The following LRRC40 variants were observed in gnomAD, a reference collection of about 807,000 sequenced individuals.
LRRC40 encodes the protein leucine rich repeat containing 40, also known as leucine-rich repeat-containing protein 40.
A neutral mutation model predicts 72.8 loss-of-function variants in LRRC40; 76 were observed. The observed-to-expected ratio is 1.04, with a 90% CI of 0.87 to 1.26. The LOEUF is 1.26. Ranked by LOEUF, LRRC40 falls within the 50% of genes most tolerant of loss-of-function variation. The pLI is 0.00. For missense variants in LRRC40, 684 were observed against 698.9 expected, an observed-to-expected ratio of 0.98 and a Z score of 0.24; for synonymous variants, 243 against 254.2, an observed-to-expected ratio of 0.96 and a Z score of 0.42.
chr1:70,165,911 C>T (rs751940117), intron 9 of LRRC40, among the ~76,000 whole-genome samples: 1 of 152,134 alleles, frequency 6.6e-6, no homozygotes, highest in Non-Finnish European at 1.5e-5. Flanking sequence ...TTTCACTGAG[C>T]ATCTTTTCAC....
Position 70,186,216 on chromosome 1 carries a change from C to G in LRRC40, c.407+1049G>C, listed in dbSNP as rs548981047. On this transcript the variant is annotated intron_variant, in intron 3 of 14. Transcript: ENST00000370952. ...TAATTACTCCATCCTAAGATTCATA[C>G]TTTTTTTAAACTTCTTCACTGAGAA... is the stretch of plus-strand genomic sequence containing the variant. 4.1e-4 allele frequency among the ~76,000 whole-genome samples: 62 copies of G among 152,210 alleles called. 1 individual carries two copies. Among genetic ancestry groups the G allele is most frequent in the South Asian group, 8.3e-4 (4 of 4,830 alleles).
chr1:70,189,298 GAAAAAAAA>G (rs745450367), intron 1 of LRRC40, 25 bp from the exon 2 acceptor site: 106 of 763,732 alleles, frequency 1.4e-4, no homozygotes, highest in Middle Eastern at 2.7e-4. Flanking sequence ...ACCACACCAG[GAAAAAAAA>G]AAAAAAAAAA....
chr1:70,183,499 A>G (rs1001338703), intron 4 of LRRC40, among the ~76,000 whole-genome samples: 4 of 151,184 alleles, frequency 2.6e-5, no homozygotes, highest in African/African-American at 9.7e-5. Flanking sequence ...ACTTTTGACA[A>G]ATTTTCTTTT....
chr1:70,158,410 T>C (rs1571444056), intron 10 of LRRC40, among the ~76,000 whole-genome samples: 1 of 152,168 alleles, frequency 6.6e-6, no homozygotes, highest in South Asian at 2.1e-4. Context: ...CTTCAGTCTA[T>C]ATTCTTTTGT....
At position 70,155,762 on chromosome 1, in the gene LRRC40, A is replaced by G. The variant is rs1667624895; in HGVS notation, c.1255T>C (p.Phe419Leu). The G allele has an allele frequency of 2.5e-6, 4 of 1,578,484 alleles. No homozygotes were observed. The highest frequency in any genetic ancestry group is 3.5e-6 in the Non-Finnish European group (4 of 1,156,902). ...KQATLIPDEV[F>L]DAVKSNIVTS... ...ACGATGTTGCTTTTTACTGCATCAAACACCTCATCAGGAATCAAAGTTGCT... is the reference window on the plus strand; with the variant it reads ...ACGATGTTGCTTTTTACTGCATCAAGCACCTCATCAGGAATCAAAGTTGCT... Residue 419 changes from phenylalanine (F) to leucine (L), a missense_variant, in exon 11 of 15, where the codon TTT becomes CTT. Phe to Leu is a conservative substitution (Grantham distance 22). Coordinates refer to ENST00000370952, the MANE Select transcript of LRRC40 (RefSeq NM_017768.5).
rs555122817 is a variant in LRRC40, at chr1:70,159,365, T to C, written c.1185A>G (p.Ile395Met). 5 of 1,567,886 alleles carry C rather than the reference T, an allele frequency of 3.2e-6. No individual in the cohort carries two copies. In the South Asian group the frequency reaches 4.6e-5, roughly 15 times the overall value. The stretch of plus-strand genomic sequence containing the variant: ...ATATTTTTAATGTAATGATGGCATG[T>C]ATATTGACTCTGGATTCACTTGGTA... ...MTLPSESRVN[I>M]HAIITLKILD... is the part of the protein sequence containing the mutation. The change falls in exon 10 of 15, where the codon ATA becomes ATG. Residue 395 changes from isoleucine (I) to methionine (M), a missense_variant. Ile to Met is a conservative substitution (Grantham distance 10, BLOSUM62 1). Transcript: ENST00000370952.
intron 2 of LRRC40, among the ~76,000 whole-genome samples, chr1:70,187,596 A>C (rs1200305158): frequency 1.3e-5 from 2 of 151,796 alleles, no homozygotes; most frequent in African/African-American, 4.8e-5. Context: ...AGGCCGAAGA[A>C]GGCAAATCGC....
intron 1 of LRRC40, among the ~76,000 whole-genome samples, chr1:70,200,323 G>A (rs939895637): frequency 4.0e-5 from 6 of 151,858 alleles, no homozygotes; most frequent in Admixed American, 1.3e-4. Flanking sequence ...AACATTAGCC[G>A]GGCACAGTGG....
intron 9 of LRRC40, among the ~76,000 whole-genome samples, chr1:70,161,486 A>T (rs1334609082): frequency 1.3e-5 from 2 of 149,524 alleles, no homozygotes; most frequent in Admixed American, 1.3e-4. Flanking sequence ...CGGGAGGCGG[A>T]GCTTGCAGTG....
intron 10 of LRRC40, among the ~76,000 whole-genome samples, chr1:70,156,086 G>A (rs1667630610): frequency 6.6e-6 from 1 of 152,002 alleles, no homozygotes; most frequent in African/African-American, 2.4e-5. Flanking sequence ...ATATCTACAA[G>A]TCATATAGCA....
In LRRC40 at chr1:70,184,808, G is replaced by A; in HGVS notation, c.514C>T (p.Gln172Ter). The change falls in exon 4 of 15, where the codon CAA becomes TAA. Residue 172 changes from glutamine (Q) to a stop codon, truncating the protein, a stop_gained. Transcript: ENST00000370952. LOFTEE classifies it high-confidence loss of function. ...ELTCISEGFE[Q>*]LSNLEDLDLS... ...ACTAAATCTTCTAAATTGGAAAGTT[G>A]TTCAAATCCCTCTGATATGCAGGTT... 1 of 1,607,150 alleles carries A rather than the reference G, an allele frequency of 6.2e-7. No homozygotes were observed. Among genetic ancestry groups the A allele is most frequent in the Non-Finnish European group, 8.5e-7 (1 of 1,177,952 alleles).
intron 1 of LRRC40, among the ~76,000 whole-genome samples, chr1:70,203,779 G>A (rs1668804248): frequency 6.6e-6 from 1 of 152,160 alleles, no homozygotes; most frequent in African/African-American, 2.4e-5. Context: ...GCACGACCCC[G>A]TAACGAACTA....
At chr1:70,179,091 A>G in intron 5 of LRRC40, 98 bp from the exon 6 acceptor site, 1 of 589,904 alleles carries the variant, frequency 1.7e-6, no homozygotes, top group Non-Finnish European at 2.7e-6. Context: ...CGCTATGAGG[A>G]CTTATGAACC....
chr1:70,149,360 C>T (rs376352263), intron 13 of LRRC40, among the ~76,000 whole-genome samples: 1 of 152,180 alleles, frequency 6.6e-6, no homozygotes, highest in Admixed American at 6.5e-5. Context: ...ATACTGCCCC[C>T]TTCCTTTGCT....
rs1409366638 is a variant in LRRC40 at position 70,198,837 on chromosome 1, A to G, written c.151+6553T>C. Among the ~76,000 whole-genome samples the G allele has an allele frequency of 2.0e-5, 3 of 152,180 alleles. No homozygotes were observed. In the East Asian group the frequency reaches 5.8e-4, roughly 29 times the overall value. On this transcript the variant is annotated intron_variant, in intron 1 of 14. Coordinates refer to ENST00000370952, the MANE Select transcript of LRRC40 (RefSeq NM_017768.5). ...AGAAGCCAGAAAAACAGGAGTCAGT[A>G]CAATTCTAAATTTGTTAAAAATAAA...
chr1:70,171,551 T>C (rs1417482324), intron 9 of LRRC40, among the ~76,000 whole-genome samples: 2 of 152,122 alleles, frequency 1.3e-5, no homozygotes, highest in Non-Finnish European at 2.9e-5. Flanking sequence ...TCTCTAAAGA[T>C]GCACAAATGA....
Position 70,181,217 on chromosome 1 carries a change from AAG to A in LRRC40, c.538-10_538-9del, listed in dbSNP as rs1668238180. 1 of 1,508,984 alleles carries A rather than the reference AAG, an allele frequency of 6.6e-7. No individual in the cohort carries two copies. The highest frequency in any genetic ancestry group is 1.4e-5 in the African/African-American group (1 of 70,336). 93.5% of individuals were successfully genotyped at this position (1,508,984 alleles called of 1,614,324 possible). ...ATGATTGTTTGAAAGATCCTTTAAA[AAG>A]AGAAAGACAAAATAAATGAATAAAC... On this transcript the variant is annotated splice_polypyrimidine_tract_variant and intron_variant, in intron 4 of 14. Transcript: ENST00000370952.
intron 9 of LRRC40, among the ~76,000 whole-genome samples, chr1:70,161,560 A>AAAAG (rs1288917700): frequency 4.6e-5 from 7 of 151,342 alleles, no homozygotes; most frequent in African/African-American, 1.5e-4. Context: ...AAAAAAAAAA[A>AAAAG]AAAGAAAGAA....
At chr1:70,199,177 T>TA (rs1213457416) in intron 1 of LRRC40, among the ~76,000 whole-genome samples, 1 of 145,800 alleles carries the variant, frequency 6.9e-6, no homozygotes, top group African/African-American at 2.6e-5. Flanking sequence ...CTAAATTAGA[T>TA]AAAAAAATAA....
Sources: allele counts gnomAD v4.1 joint callset (sites outside exome capture counted in the v4.1 genomes callset), GRCh38; gene constraint gnomAD v4.1.1; transcripts MANE v1.5; gene names NCBI Gene and HGNC (gene_info 2026-07-23, HGNC 2026-07-21).